The following NBN variants were observed in gnomAD, a reference collection of about 807,000 sequenced individuals.
NBN encodes the protein nibrin.
In NBN, 88 loss-of-function variants were observed where a neutral mutation model predicts 90.8. The observed-to-expected ratio is 0.97, with a 90% CI of 0.82 to 1.16. The LOEUF is 1.16. Ranked by LOEUF, NBN falls within the 50% of genes most tolerant of loss-of-function variation. The probability of loss-of-function intolerance (pLI) is 0.00; values close to 1 mark genes in which losing one functional copy is unlikely to be tolerated. For synonymous variants in NBN, 328 were observed against 295.1 expected (o/e 1.11, Z -1.14); for missense variants, 894 against 869.6 (o/e 1.03, Z -0.35).
Position 89,953,683 on chromosome 8 carries a change from T to G in NBN, c.1406A>C (p.Asp469Ala), listed in dbSNP as rs780365310. 6.2e-7 allele frequency: 1 copy of G among 1,608,720 alleles called. No individual in the cohort carries two copies. Among genetic ancestry groups the G allele is most frequent in the Non-Finnish European group, 8.5e-7 (1 of 1,177,804 alleles). Residue 469 changes from aspartate (D) to alanine (A), a missense_variant, in exon 11 of 16, where the codon GAT becomes GCT. By Grantham distance (126) the Asp-to-Ala change is moderately radical (BLOSUM62 -2). Coordinates refer to ENST00000265433, the MANE Select transcript of NBN (RefSeq NM_002485.5). ...FQPSTKKRERDEENQEMSSCK... is the reference protein window; with the variant it reads ...FQPSTKKRERAEENQEMSSCK... Reference sequence around the variant, plus strand: ...TGAAGACATTTCTTGATTTTCTTCATCCCTTTCCCTTAGATTTAAAAAAAA... The same window carrying G: ...TGAAGACATTTCTTGATTTTCTTCAGCCCTTTCCCTTAGATTTAAAAAAAA...
chr8:89,964,072 A>G (rs996272981), intron 8 of NBN, among the ~76,000 whole-genome samples: 2 of 152,100 alleles, frequency 1.3e-5, no homozygotes, highest in African/African-American at 4.8e-5. Context: ...ATAGCCTACT[A>G]CCATCACTAT....
intron 7 of NBN, among the ~76,000 whole-genome samples, chr8:89,968,116 C>A (rs1261101284): frequency 2.0e-5 from 3 of 151,878 alleles, no homozygotes; most frequent in African/African-American, 7.3e-5. Flanking sequence ...AAATTAGCAG[C>A]AACGTGGTGG....
chr8:89,953,117 A>G, intron 11 of NBN, 127 bp downstream of exon 11: 1 of 703,304 alleles, frequency 1.4e-6, no homozygotes, highest in Non-Finnish European at 2.4e-6. Flanking sequence ...TTATCAACCA[A>G]CAAATTTCTA....
chr8:89,981,930 A>G, intron 2 of NBN: 1 of 1,124,618 alleles, frequency 8.9e-7, no homozygotes, highest in Non-Finnish European at 1.2e-6. Context: ...ATACGAGGTT[A>G]TAGGCTAGTG....
At chr8:89,979,235 T>C (rs1370153221) in intron 4 of NBN, among the ~76,000 whole-genome samples, 1 of 152,198 alleles carries the variant, frequency 6.6e-6, no homozygotes, top group Non-Finnish European at 1.5e-5. Flanking sequence ...CACCTCGGCA[T>C]CCCAAAGTGC....
At chr8:89,984,449 G>A (rs1200780952) in intron 1 of NBN, 76 bp downstream of exon 1, 5 of 1,395,256 alleles carry the variant, frequency 3.6e-6, no homozygotes, top group Non-Finnish European at 5.0e-6. Context: ...ACGCGACGCA[G>A]GAATCACCCG....
chr8:89,982,551 A>G, intron 2 of NBN, 171 bp downstream of exon 2: 1 of 636,644 alleles, frequency 1.6e-6, no homozygotes, highest in African/African-American at 1.8e-5. Flanking sequence ...AACAAATACC[A>G]CTGGTACCAC....
intron 9 of NBN, among the ~76,000 whole-genome samples, chr8:89,956,038 T>C (rs1390102348): frequency 1.3e-5 from 2 of 151,952 alleles, no homozygotes; most frequent in Middle Eastern, 3.4e-3. Context: ...TGAACTGATA[T>C]CATTATTTCA....
intron 1 of NBN, 136 bp downstream of exon 1, chr8:89,984,389 G>A (rs1812229942): frequency 5.0e-6 from 4 of 807,086 alleles, no homozygotes; most frequent in African/African-American, 1.7e-5. Context: ...GCCATACAGC[G>A]TACTCGCCGC....
Position 89,946,247 on chromosome 8 carries a change from A to G in NBN, c.1963T>C (p.Leu655=), listed in dbSNP as rs2129648442. Residue 655 remains leucine (L), a synonymous_variant, in exon 13 of 16, where the codon TTA becomes CTA. Coordinates refer to ENST00000265433, the MANE Select transcript of NBN (RefSeq NM_002485.5). The stretch of plus-strand genomic sequence containing the variant: ...ACCAGTGATCTAAATTCAGTCAATA[A>G]CAGCTTTTTTGGAAGCATCTCACTA... The part of the protein sequence containing the change: ...DDSEMLPKKL[L]LTEFRSLVIK... 1 of 1,588,484 alleles carries G rather than the reference A, an allele frequency of 6.3e-7. No individual in the cohort carries two copies. Among genetic ancestry groups the G allele is most frequent in the South Asian group, 1.1e-5 (1 of 90,438 alleles).
chr8:89,969,159 G>C (rs967079172), intron 7 of NBN, among the ~76,000 whole-genome samples: 1 of 152,178 alleles, frequency 6.6e-6, no homozygotes, highest in Non-Finnish European at 1.5e-5. Context: ...CACATGAAGA[G>C]CAATTTAGTC....
chr8:89,951,747 A>G (rs1313196595), intron 11 of NBN, among the ~76,000 whole-genome samples: 3 of 138,774 alleles, frequency 2.2e-5, no homozygotes, highest in Non-Finnish European at 3.2e-5. Context: ...GTAGTCTTAA[A>G]TCCTTCACAA....
intron 3 of NBN, among the ~76,000 whole-genome samples, chr8:89,981,164 T>C (rs1812045536): frequency 6.6e-6 from 1 of 152,138 alleles, no homozygotes; most frequent in Non-Finnish European, 1.5e-5. Flanking sequence ...CGAAGAAATG[T>C]AACTTCCCAT....
rs13312942 is a variant in NBN, at chr8:89,947,401, G to A, written c.1914+423C>T. Among the ~76,000 whole-genome samples the A allele has an allele frequency of 7.7e-3, 1,171 of 152,176 alleles. 17 individuals carry two copies. Among genetic ancestry groups the A allele is most frequent in the African/African-American group, 0.027 (1,127 of 41,514 alleles). The stretch of plus-strand genomic sequence containing the variant: ...TCCCAGCACTTTGTGAGGCCAAGGC[G>A]GGCAGATCACCTGAGGTCGGGAGTT... On this transcript the variant is annotated intron_variant, in intron 12 of 15. Transcript: ENST00000265433.
rs1288217196 is a variant in NBN at position 89,935,352 on chromosome 8, C to T, written c.*230G>A. 1 of 492,308 alleles carries T rather than the reference C, an allele frequency of 2.0e-6. No individual in the cohort carries two copies. Among genetic ancestry groups the T allele is most frequent in the Non-Finnish European group, 3.6e-6 (1 of 277,198 alleles). 30.5% of individuals were successfully genotyped at this position (492,308 alleles called of 1,614,324 possible). ...GTGACTATATTAACTATTTAATAAA[C>T]AAAACACATTTAAAAATGAAAAAAA... On this transcript the variant is annotated 3_prime_UTR_variant, in exon 16 of 16. Coordinates refer to ENST00000265433, the MANE Select transcript of NBN (RefSeq NM_002485.5).
chr8:89,942,148 C>T (rs1399162419), intron 14 of NBN, among the ~76,000 whole-genome samples: 2 of 152,112 alleles, frequency 1.3e-5, no homozygotes, highest in Non-Finnish European at 2.9e-5. Context: ...GAGAAATAAA[C>T]CTTACAACAC....
chr8:89,959,352 G>A (rs13312902), intron 8 of NBN, among the ~76,000 whole-genome samples: 1 of 152,178 alleles, frequency 6.6e-6, no homozygotes, highest in African/African-American at 2.4e-5. Context: ...CTTACCAGAA[G>A]AACAACTTAG....
At chr8:89,935,982 A>T in intron 15 of NBN, 1 of 344,616 alleles carries the variant, frequency 2.9e-6, no homozygotes, top group South Asian at 2.4e-5. Context: ...AATCTACTTA[A>T]ATGTAATTAG....
At position 89,970,496 on chromosome 8, in the gene NBN, T is replaced by C. The variant is rs754243946; in HGVS notation, c.764A>G (p.Glu255Gly). The C allele has an allele frequency of 6.2e-7, 1 of 1,613,918 alleles. No individual in the cohort carries two copies. Among genetic ancestry groups the C allele is most frequent in the South Asian group, 1.1e-5 (1 of 91,080 alleles). The change falls in exon 7 of 16, where the codon GAG becomes GGG. Residue 255 changes from glutamate to glycine, a missense_variant. Coordinates refer to ENST00000265433, the MANE Select transcript of NBN (RefSeq NM_002485.5). ...GGGEARLITEENEEEHNFFLA... is the reference protein window; with the variant it reads ...GGGEARLITEGNEEEHNFFLA... ...AAAGAAATTATGTTCTTCTTCATTC[T>C]CTTCTGTTATCAACCTAGCTTCCCC...
Sources: allele counts gnomAD v4.1 joint callset (sites outside exome capture counted in the v4.1 genomes callset), GRCh38; gene constraint gnomAD v4.1.1; transcripts MANE v1.5; gene names NCBI Gene and HGNC (gene_info 2026-07-23, HGNC 2026-07-21).